Variants in UNC13C observed in about 807,000 individuals in gnomAD.
UNC13C encodes protein unc-13 homolog C.
In UNC13C, 174 loss-of-function variants were observed where a neutral mutation model predicts 245.4. That is an observed-to-expected ratio of 0.71 (90% CI 0.63 to 0.80). UNC13C has a LOEUF of 0.80. Ranked by LOEUF, UNC13C falls within the 30% of genes least tolerant of loss-of-function variation. The probability of loss-of-function intolerance (pLI) is 0.00; values close to 1 mark genes in which losing one functional copy is unlikely to be tolerated. For missense variants in UNC13C, 2,829 were observed against 2,602.9 expected (o/e 1.09, Z -1.89); for synonymous variants, 992 against 895.1 (o/e 1.11, Z -1.93).
chr15:54,454,691 A>G (rs2141014163), intron 19 of UNC13C, among the ~76,000 whole-genome samples: 1 of 152,062 alleles, frequency 6.6e-6, no homozygotes, highest in East Asian at 1.9e-4. Context: ...GGAATCATAC[A>G]ATTTGTGCAT....
intron 2 of UNC13C, among the ~76,000 whole-genome samples, chr15:54,075,551 CAAAAAAAAAAA>C (rs547523285): frequency 8.7e-5 from 4 of 46,184 alleles, no homozygotes; most frequent in African/African-American, 3.3e-4. Context: ...GACTCTGTCT[CAAAAAAAAAAA>C]AAAAAAAAAA....
chr15:54,473,810 C>T (rs1213616348), intron 19 of UNC13C, among the ~76,000 whole-genome samples: 1 of 151,456 alleles, frequency 6.6e-6, no homozygotes, highest in Non-Finnish European at 1.5e-5. Flanking sequence ...GAAGTCAGTG[C>T]TTTTAGGGTA....
At chr15:53,957,983 G>GT in the UNC13C span, among the ~76,000 whole-genome samples, 59 of 152,024 alleles carry the variant, frequency 3.9e-4, no homozygotes, top group South Asian at 3.3e-3. Flanking sequence ...GTTTTTTTGT[G>GT]TTTTTTTGGT....
At chr15:53,938,156 A>G in the UNC13C span, among the ~76,000 whole-genome samples, 1 of 152,104 alleles carries the variant, frequency 6.6e-6, no homozygotes, top group Non-Finnish European at 1.5e-5. Flanking sequence ...GTGCAAAGAC[A>G]CACATAATAA....
At chr15:54,229,328 C>T (rs1007890957) in intron 4 of UNC13C, among the ~76,000 whole-genome samples, 1 of 152,100 alleles carries the variant, frequency 6.6e-6, no homozygotes, top group Non-Finnish European at 1.5e-5. Context: ...TATAATTGCT[C>T]ACCTGATTTT....
At chr15:54,191,197 C>A (rs1015576084) in intron 4 of UNC13C, among the ~76,000 whole-genome samples, 2 of 152,128 alleles carry the variant, frequency 1.3e-5, no homozygotes, top group African/African-American at 4.8e-5. Context: ...CTATCGCTCC[C>A]CTAGCCCCCC....
At chr15:54,058,515 C>T (rs959591306) in intron 2 of UNC13C, among the ~76,000 whole-genome samples, 1 of 152,072 alleles carries the variant, frequency 6.6e-6, no homozygotes, top group African/African-American at 2.4e-5. Flanking sequence ...GACTCACAGC[C>T]GAATTCTACC....
chr15:54,221,417 A>G (rs927145428), intron 4 of UNC13C, among the ~76,000 whole-genome samples: 9 of 152,002 alleles, frequency 5.9e-5, no homozygotes, highest in Non-Finnish European at 1.2e-4. Context: ...ACACACTCTG[A>G]ATGGCTAATA....
At chr15:54,215,405 G>A (rs772652834) in intron 4 of UNC13C, among the ~76,000 whole-genome samples, 18 of 151,744 alleles carry the variant, frequency 1.2e-4, no homozygotes, top group Non-Finnish European at 1.8e-4. Flanking sequence ...CATTCATGTC[G>A]TCTCCCACTC....
intron 2 of UNC13C, among the ~76,000 whole-genome samples, chr15:54,035,161 T>C (rs1025767423): frequency 6.6e-6 from 1 of 152,162 alleles, no homozygotes; most frequent in Non-Finnish European, 1.5e-5. Flanking sequence ...AACCTACACA[T>C]GTCTAAAGGG....
At chr15:54,349,860 C>T (rs1054096370) in intron 17 of UNC13C, among the ~76,000 whole-genome samples, 1 of 152,104 alleles carries the variant, frequency 6.6e-6, no homozygotes, top group Admixed American at 6.5e-5. Flanking sequence ...GGGTACATAT[C>T]ATGGAATATT....
At chr15:54,308,865 A>G (rs1206431273) in intron 13 of UNC13C, among the ~76,000 whole-genome samples, 3 of 151,732 alleles carry the variant, frequency 2.0e-5, no homozygotes, top group Non-Finnish European at 4.4e-5. Flanking sequence ...GCTGAATACT[A>G]TTCCATTGTA....
intron 29 of UNC13C, among the ~76,000 whole-genome samples, chr15:54,566,377 T>G (rs533924935): frequency 1.5e-3 from 225 of 152,260 alleles, no homozygotes; most frequent in African/African-American, 5.3e-3. Context: ...GTGAAAATGT[T>G]TTAACATTCT....
intron 18 of UNC13C, among the ~76,000 whole-genome samples, chr15:54,403,715 CAAA>C (rs771818988): frequency 1.8e-5 from 1 of 56,868 alleles, no homozygotes; most frequent in Non-Finnish European, 3.1e-5. Flanking sequence ...GAACCTGTCT[CAAA>C]AAAAAAAAAA....
chr15:54,070,130 C>T (rs796543399), intron 2 of UNC13C, among the ~76,000 whole-genome samples: 3 of 152,186 alleles, frequency 2.0e-5, no homozygotes, highest in African/African-American at 4.8e-5. Flanking sequence ...TGTCTCCCAC[C>T]GGCAATGAAG....
chr15:53,890,416 C>A, the UNC13C span, among the ~76,000 whole-genome samples: 1 of 152,184 alleles, frequency 6.6e-6, no homozygotes, highest in African/African-American at 2.4e-5. Flanking sequence ...GCTGGGATTA[C>A]AGGCATGAGC....
At chr15:54,142,914 A>T in intron 2 of UNC13C, 104 bp from the exon 3 acceptor site, 1 of 1,010,454 alleles carries the variant, frequency 9.9e-7, no homozygotes, top group Non-Finnish European at 1.5e-6. Flanking sequence ...TTATAATTTT[A>T]AACAATGTAA....
rs950781696 is a variant in UNC13C at position 54,183,842 on chromosome 15, C to T, written c.3071+40158C>T. Among the ~76,000 whole-genome samples, 10 of 150,744 alleles carry T rather than the reference C, an allele frequency of 6.6e-5. No individual in the cohort carries two copies. In the South Asian group the frequency reaches 8.4e-4, roughly 13 times the overall value. On this transcript the variant is annotated intron_variant, in intron 4 of 32. Transcript: ENST00000260323. ...GGCTAAGTCTCAAACTGAGCAGTGG[C>T]ACAGGGAGAGGAACAATTTGTTTTA...
In UNC13C at chr15:54,487,766, CAAAAAAAA is replaced by C. The variant is rs5812760; in HGVS notation, c.4934-6826_4934-6819del. On this transcript the variant is annotated intron_variant, in intron 19 of 32. Coordinates refer to ENST00000260323, the MANE Select transcript of UNC13C (RefSeq NM_001080534.3). ...TGGGCAACAGAGCAAGATTCCATCTCAAAAAAAAAAAAAAAAAAAAAAAGACAGAGAGA... is the reference window on the plus strand; with the variant it reads ...TGGGCAACAGAGCAAGATTCCATCTCAAAAAAAAAAAAAAAGACAGAGAGA... Among the ~76,000 whole-genome samples, 273 of 62,778 alleles carry C rather than the reference CAAAAAAAA, an allele frequency of 4.3e-3. 2 individuals are homozygous for C. Among genetic ancestry groups the C allele is most frequent in the Non-Finnish European group, 6.4e-3 (210 of 32,948 alleles). 41.2% of individuals were successfully genotyped at this position (62,778 alleles called of 152,430 possible).
Sources: allele counts gnomAD v4.1 joint callset (sites outside exome capture counted in the v4.1 genomes callset), GRCh38; gene constraint gnomAD v4.1.1; transcripts MANE v1.5; gene names NCBI Gene and HGNC (gene_info 2026-07-23, HGNC 2026-07-21).